The following PALM2AKAP2 variants were observed in gnomAD, a reference collection of about 807,000 sequenced individuals.
The protein encoded by PALM2AKAP2 is PALM2-AKAP2 fusion protein.
Under a neutral mutation model 71.5 loss-of-function variants are expected in PALM2AKAP2, and 37 were observed. The ratio of observed to expected loss-of-function variants is 0.52; its 90% CI spans 0.40 to 0.68. The LOEUF is 0.68. PALM2AKAP2 is among the 30% of genes least tolerant of loss of function. PALM2AKAP2 has a pLI of 0.00. For synonymous variants in PALM2AKAP2, 468 were observed against 478.8 expected, an observed-to-expected ratio of 0.98 and a Z score of 0.29; for missense variants, 1,224 against 1,191.8, an observed-to-expected ratio of 1.03 and a Z score of -0.40.
rs559630684 is a variant in PALM2AKAP2, at chr9:109,923,867, G to T, written c.372+18G>T. The T allele has an allele frequency of 4.5e-6, 7 of 1,558,520 alleles. No individual in the cohort carries two copies. The highest frequency in any genetic ancestry group is 4.2e-5 in the African/African-American group (3 of 71,776). ...TTCAGAAGGTGAAGAAAACCAAAAC[G>T]ATTTCTCAAAGTTATTTCCATGGGG... On this transcript the variant is annotated intron_variant, in intron 4 of 9. Transcript: ENST00000302798.
intron 1 of PALM2AKAP2, among the ~76,000 whole-genome samples, chr9:109,725,432 G>A (rs1828460998): frequency 6.6e-6 from 1 of 152,162 alleles, no homozygotes; most frequent in African/African-American, 2.4e-5. Flanking sequence ...TGCATGGACA[G>A]TCTGCAAATA....
chr9:109,811,957 C>A (rs1827737829), intron 1 of PALM2AKAP2, among the ~76,000 whole-genome samples: 1 of 152,228 alleles, frequency 6.6e-6, no homozygotes, highest in African/African-American at 2.4e-5. Context: ...GTGCTGTTGG[C>A]AGAAGGGACA....
intron 6 of PALM2AKAP2, among the ~76,000 whole-genome samples, chr9:109,990,302 C>T (rs57054270): frequency 0.12 from 18,321 of 152,036 alleles, 1,232 homozygotes; most frequent in East Asian, 0.27. Flanking sequence ...TCCAGTGATC[C>T]GCCTGTCTCA....
chr9:110,121,451 T>C (rs1835484771), intron 1 of PALM2AKAP2, among the ~76,000 whole-genome samples: 1 of 152,066 alleles, frequency 6.6e-6, no homozygotes, highest in South Asian at 2.1e-4. Flanking sequence ...TGGAGCAGCT[T>C]GAAAAGCTGC....
intron 1 of PALM2AKAP2, among the ~76,000 whole-genome samples, chr9:109,840,474 A>G (rs151024099): frequency 0.036 from 5,441 of 152,336 alleles, 112 homozygotes; most frequent in Middle Eastern, 0.078. Context: ...CTTCATGTCT[A>G]AAACACCAAA....
chr9:110,081,447 CT>C (rs1588096220), intron 1 of PALM2AKAP2, among the ~76,000 whole-genome samples: 2 of 152,090 alleles, frequency 1.3e-5, no homozygotes, highest in South Asian at 4.1e-4. Context: ...ACATAGATTC[CT>C]TTTTTTAGAT....
At chr9:109,925,687 C>CT (rs1291070456) in intron 5 of PALM2AKAP2, among the ~76,000 whole-genome samples, 1 of 152,026 alleles carries the variant, frequency 6.6e-6, no homozygotes, top group Non-Finnish European at 1.5e-5. Flanking sequence ...AAGAGCAGGT[C>CT]TTTCACCTTC....
intron 1 of PALM2AKAP2, among the ~76,000 whole-genome samples, chr9:109,738,110 T>C (rs1828664870): frequency 6.6e-6 from 1 of 152,254 alleles, no homozygotes; most frequent in South Asian, 2.1e-4. Context: ...GCACCAACTA[T>C]ATATAATCTA....
chr9:110,032,938 T>C (rs1389819343), intron 7 of PALM2AKAP2, among the ~76,000 whole-genome samples: 1 of 151,750 alleles, frequency 6.6e-6, no homozygotes, highest in East Asian at 1.9e-4. Flanking sequence ...CCTATTTCTA[T>C]TATAAATAAA....
At chr9:110,082,880 G>A (rs1445672218) in intron 1 of PALM2AKAP2, among the ~76,000 whole-genome samples, 1 of 152,154 alleles carries the variant, frequency 6.6e-6, no homozygotes, top group Non-Finnish European at 1.5e-5. Context: ...GGTGACTCAC[G>A]CCTGTAATCC....
intron 1 of PALM2AKAP2, among the ~76,000 whole-genome samples, chr9:110,077,751 C>T (rs1834352238): frequency 6.6e-6 from 1 of 152,188 alleles, no homozygotes; most frequent in East Asian, 1.9e-4. Flanking sequence ...TGCAGTGGCT[C>T]ACGCCTGTAA....
At chr9:109,850,409 T>C (rs913362) in intron 1 of PALM2AKAP2, among the ~76,000 whole-genome samples, 127,520 of 152,104 alleles carry the variant, frequency 0.84, 53,633 homozygotes, top group East Asian at 0.97. Flanking sequence ...GTCTTGGTGG[T>C]GTTTTCTGTG....
chr9:110,027,217 G>T (rs1192885305), intron 7 of PALM2AKAP2, among the ~76,000 whole-genome samples: 1 of 152,116 alleles, frequency 6.6e-6, no homozygotes. Flanking sequence ...TATCCAGCTG[G>T]TGCCTTGCTG....
intron 1 of PALM2AKAP2, among the ~76,000 whole-genome samples, chr9:109,702,019 T>C (rs937531323): frequency 3.3e-5 from 5 of 152,096 alleles, no homozygotes; most frequent in African/African-American, 1.2e-4. Flanking sequence ...ATCAGAGAAA[T>C]GCAAATCAAA....
chr9:109,666,424 T>C (rs1354167166), intron 1 of PALM2AKAP2, among the ~76,000 whole-genome samples: 1 of 152,228 alleles, frequency 6.6e-6, no homozygotes, highest in African/African-American at 2.4e-5. Context: ...TTTCTGTATT[T>C]TTCATTAAAT....
chr9:109,702,806 T>C (rs1219317559), intron 1 of PALM2AKAP2, among the ~76,000 whole-genome samples: 1 of 151,480 alleles, frequency 6.6e-6, no homozygotes, highest in East Asian at 1.9e-4. Flanking sequence ...CTTTTGTTTT[T>C]TACTTTTTCT....
chr9:110,139,326 A>G (rs561653894), intron 2 of PALM2AKAP2, among the ~76,000 whole-genome samples: 1 of 152,288 alleles, frequency 6.6e-6, no homozygotes, highest in South Asian at 2.1e-4. Flanking sequence ...TTTCCATGTG[A>G]ATGTGATAGC....
chr9:109,712,144 A>G (rs1828251963), intron 1 of PALM2AKAP2, among the ~76,000 whole-genome samples: 1 of 152,196 alleles, frequency 6.6e-6, no homozygotes, highest in African/African-American at 2.4e-5. Context: ...AACAGGGGTA[A>G]TACAAGAGTC....
At chr9:109,921,032 C>G (rs1830817509) in intron 3 of PALM2AKAP2, among the ~76,000 whole-genome samples, 1 of 152,112 alleles carries the variant, frequency 6.6e-6, no homozygotes, top group Admixed American at 6.5e-5. Flanking sequence ...AACATCTGGA[C>G]CAGCAAAGAA....
Sources: gnomAD v4.1 joint callset for allele counts (sites outside exome capture counted in the v4.1 genomes callset) on GRCh38, gnomAD v4.1.1 for gene constraint, MANE v1.5 for transcripts, NCBI Gene and HGNC (gene_info 2026-07-23, HGNC 2026-07-21) for gene names.